CDKAL1: variants seen among roughly 807,000 people sequenced by gnomAD.
CDKAL1 encodes the protein CDKAL1 threonylcarbamoyladenosine tRNA methylthiotransferase.
In CDKAL1, 32 loss-of-function variants were observed where a neutral mutation model predicts 68.2. The observed-to-expected ratio is 0.47, with a 90% CI of 0.35 to 0.63. The LOEUF (loss-of-function observed/expected upper bound fraction) is 0.63, where lower values mean the gene tolerates loss of function less well. Ranked by LOEUF, CDKAL1 falls within the 30% of genes least tolerant of loss-of-function variation. The pLI, the probability that CDKAL1 is intolerant of heterozygous loss-of-function variation, is 0.00. For missense variants in CDKAL1, 606 were observed against 696.7 expected, an observed-to-expected ratio of 0.87 and a Z score of 1.47; for synonymous variants, 234 against 244.3, an observed-to-expected ratio of 0.96 and a Z score of 0.39.
chr6:20,600,303 T>C (rs1766026707), intron 4 of CDKAL1, among the ~76,000 whole-genome samples: 1 of 152,136 alleles, frequency 6.6e-6, no homozygotes, highest in South Asian at 2.1e-4. Flanking sequence ...TATAAATCTC[T>C]TTTTAGATGA....
intron 4 of CDKAL1, among the ~76,000 whole-genome samples, chr6:20,584,973 C>CT (rs1765285418): frequency 6.6e-6 from 1 of 151,692 alleles, no homozygotes; most frequent in Non-Finnish European, 1.5e-5. Flanking sequence ...TCTGCTTTCT[C>CT]TGTTGGATCA....
chr6:20,609,086 G>A (rs975579298), intron 4 of CDKAL1, among the ~76,000 whole-genome samples: 2 of 152,158 alleles, frequency 1.3e-5, no homozygotes, highest in East Asian at 1.9e-4. Flanking sequence ...CTGCACATAT[G>A]GGAATATAGC....
intron 7 of CDKAL1, among the ~76,000 whole-genome samples, chr6:20,765,872 C>T (rs4585542): frequency 0.45 from 67,931 of 152,008 alleles, 15,398 homozygotes; most frequent in South Asian, 0.51. Flanking sequence ...TTTTTAGCTA[C>T]ACACATACAG....
chr6:20,559,577 T>C (rs1312393633), intron 4 of CDKAL1: 1 of 152,204 alleles, frequency 6.6e-6, no homozygotes. Flanking sequence ...GGTCACTAAA[T>C]GTCTGGTTTG....
intron 5 of CDKAL1, among the ~76,000 whole-genome samples, chr6:20,676,571 A>G (rs1770110693): frequency 1.3e-5 from 2 of 152,002 alleles, no homozygotes; most frequent in South Asian, 2.1e-4. Context: ...GGAGGCTGAG[A>G]CAGGAGAATG....
chr6:20,989,325 GT>G lies in CDKAL1; in HGVS notation c.910-10899del, dbSNP rs1295959362. 2.0e-5 allele frequency among the ~76,000 whole-genome samples: 3 copies of G among 152,130 alleles called. No homozygotes were observed. In the East Asian group the frequency reaches 5.8e-4, roughly 29 times the overall value. ...CCCAATCCCAGAAAGATAGTTTGAT[GT>G]TTAGTAAGTATTTGCTTAGCTACAT... On this transcript the variant is annotated intron_variant, in intron 10 of 15. Transcript: ENST00000274695.
intron 4 of CDKAL1, among the ~76,000 whole-genome samples, chr6:20,551,154 T>A (rs1482241178): frequency 6.6e-6 from 1 of 151,106 alleles, no homozygotes. Flanking sequence ...CGTGAGCCAC[T>A]GTGCTCGGCC....
chr6:20,862,010 G>A (rs1030562129), intron 9 of CDKAL1, among the ~76,000 whole-genome samples: 4 of 152,178 alleles, frequency 2.6e-5, no homozygotes, highest in African/African-American at 9.7e-5. Flanking sequence ...GTGTTATGCA[G>A]CCAGACATAT....
chr6:21,168,625 A>C (rs1049517547), intron 13 of CDKAL1, among the ~76,000 whole-genome samples: 3 of 152,204 alleles, frequency 2.0e-5, no homozygotes, highest in Admixed American at 2.0e-4. Context: ...AAAGCATACC[A>C]TCTGTTTCTA....
At chr6:21,062,504 A>T (rs1409092893) in intron 11 of CDKAL1, among the ~76,000 whole-genome samples, 1 of 152,206 alleles carries the variant, frequency 6.6e-6, no homozygotes, top group Non-Finnish European at 1.5e-5. Context: ...AAAGAAAAAA[A>T]TATGTTTATA....
chr6:20,982,676 A>G (rs1766218120), intron 10 of CDKAL1, among the ~76,000 whole-genome samples: 1 of 152,038 alleles, frequency 6.6e-6, no homozygotes, highest in Non-Finnish European at 1.5e-5. Context: ...ATGCTTCTGT[A>G]TCAAATGACT....
intron 4 of CDKAL1, among the ~76,000 whole-genome samples, chr6:20,550,010 G>T (rs1481574153): frequency 6.7e-6 from 1 of 149,338 alleles, no homozygotes; most frequent in African/African-American, 2.5e-5. Flanking sequence ...ACAGAGTCTC[G>T]CTTTGTTGCC....
chr6:20,856,631 T>G (rs776667357), intron 9 of CDKAL1, among the ~76,000 whole-genome samples: 3 of 152,232 alleles, frequency 2.0e-5, no homozygotes, highest in Admixed American at 2.0e-4. Flanking sequence ...TTTGATACCT[T>G]TACTAAACAA....
At chr6:20,797,262 T>G (rs977227620) in intron 8 of CDKAL1, among the ~76,000 whole-genome samples, 1 of 152,120 alleles carries the variant, frequency 6.6e-6, no homozygotes, top group Non-Finnish European at 1.5e-5. Flanking sequence ...ACTAAGCACA[T>G]GTAAAGTTTT....
intron 4 of CDKAL1, among the ~76,000 whole-genome samples, chr6:20,561,756 G>T (rs1439269123): frequency 6.6e-6 from 1 of 152,076 alleles, no homozygotes; most frequent in Non-Finnish European, 1.5e-5. Flanking sequence ...TATATTTCTT[G>T]AATATAATGT....
At chr6:20,739,763 C>G (rs1773364310) in intron 6 of CDKAL1, 148 bp downstream of exon 6, 1 of 500,422 alleles carries the variant, frequency 2.0e-6, no homozygotes, top group Non-Finnish European at 3.5e-6. Context: ...GTCCCTGAAA[C>G]TGTCATTTCT....
intron 9 of CDKAL1, among the ~76,000 whole-genome samples, chr6:20,894,721 A>G (rs1181581957): frequency 2.0e-5 from 3 of 152,174 alleles, no homozygotes; most frequent in Non-Finnish European, 4.4e-5. Context: ...AATAACACAT[A>G]AAATACAAAA....
In CDKAL1 at chr6:20,680,771, C is replaced by G. The variant is rs116913354; in HGVS notation, c.371+31394C>G. On this transcript the variant is annotated intron_variant, in intron 5 of 15. Transcript: ENST00000274695. ...GAAACCCGGCACGACAGGGCACTTTCGGGTCATGCCTTGAGTCTTAAGAAA... is the reference window on the plus strand; with the variant it reads ...GAAACCCGGCACGACAGGGCACTTTGGGGTCATGCCTTGAGTCTTAAGAAA... Among the ~76,000 whole-genome samples, 343 of 152,296 alleles carry G rather than the reference C, an allele frequency of 2.3e-3. 13 individuals are homozygous for G. In the East Asian group the frequency reaches 0.059, roughly 26 times the overall value.
At chr6:20,812,934 C>G (rs1196368495) in intron 8 of CDKAL1, among the ~76,000 whole-genome samples, 8 of 152,184 alleles carry the variant, frequency 5.3e-5, no homozygotes, top group Non-Finnish European at 1.0e-4. Context: ...TATATTTACA[C>G]TAGCAGTTTT....
Sources: allele counts gnomAD v4.1 joint callset (sites outside exome capture counted in the v4.1 genomes callset), GRCh38; gene constraint gnomAD v4.1.1; transcripts MANE v1.5; gene names NCBI Gene and HGNC (gene_info 2026-07-23, HGNC 2026-07-21).